SEMA5A: variants seen among roughly 807,000 people sequenced by gnomAD.
SEMA5A encodes semaphorin-5A.
A neutral mutation model predicts 135.5 loss-of-function variants in SEMA5A; 55 were observed. That is an observed-to-expected ratio of 0.41 (90% CI 0.33 to 0.51). The LOEUF is 0.51. Among genes scored for constraint, SEMA5A ranks in the 20% least tolerant of loss-of-function variants. The pLI is 0.37. For missense variants in SEMA5A, 1,290 were observed against 1,419.9 expected, an observed-to-expected ratio of 0.91 and a Z score of 1.47; for synonymous variants, 580 against 546.5, an observed-to-expected ratio of 1.06 and a Z score of -0.85.
chr5:9,373,463 A>G (rs972879137), intron 3 of SEMA5A, among the ~76,000 whole-genome samples: 1 of 152,188 alleles, frequency 6.6e-6, no homozygotes, highest in Non-Finnish European at 1.5e-5. Flanking sequence ...TGGAGCAGTC[A>G]TCTCAATTCC....
intron 16 of SEMA5A, among the ~76,000 whole-genome samples, chr5:9,070,319 C>T (rs774317235): frequency 6.6e-6 from 1 of 151,994 alleles, no homozygotes; most frequent in Non-Finnish European, 1.5e-5. Flanking sequence ...TGCAGTGAGC[C>T]GACATTGTGC....
chr5:9,180,266 C>T (rs1026120640), intron 11 of SEMA5A, among the ~76,000 whole-genome samples: 3 of 151,810 alleles, frequency 2.0e-5, no homozygotes, highest in Non-Finnish European at 4.4e-5. Context: ...TTCAACATAC[C>T]TTCTTTGGGA....
chr5:9,457,428 T>C (rs763425217), intron 1 of SEMA5A, among the ~76,000 whole-genome samples: 1 of 152,212 alleles, frequency 6.6e-6, no homozygotes, highest in African/African-American at 2.4e-5. Context: ...CAAGTAAATG[T>C]TGAGGTTCCA....
chr5:9,113,933 T>C (rs1740377756), intron 15 of SEMA5A, among the ~76,000 whole-genome samples: 1 of 152,314 alleles, frequency 6.6e-6, no homozygotes, highest in Admixed American at 6.5e-5. Flanking sequence ...AATGCAGCAA[T>C]TTCACTCCTA....
At chr5:9,479,842 G>A (rs572411647) in intron 1 of SEMA5A, among the ~76,000 whole-genome samples, 35 of 152,330 alleles carry the variant, frequency 2.3e-4, no homozygotes, top group African/African-American at 7.9e-4. Context: ...GTGATGATAA[G>A]AGAAGGCTAC....
At chr5:9,485,976 G>T (rs1000368419) in intron 1 of SEMA5A, among the ~76,000 whole-genome samples, 3 of 152,018 alleles carry the variant, frequency 2.0e-5, no homozygotes, top group Non-Finnish European at 2.9e-5. Context: ...TAAAAAATAG[G>T]ATTATTTGTA....
intron 15 of SEMA5A, among the ~76,000 whole-genome samples, chr5:9,116,528 G>A (rs1740523552): frequency 6.6e-6 from 1 of 152,142 alleles, no homozygotes; most frequent in African/African-American, 2.4e-5. Flanking sequence ...AAATACTTCT[G>A]AGATTTTTGT....
rs71582415 is a variant in SEMA5A at position 9,384,647 on chromosome 5, G to GATAGAT, written c.-77-4630_-77-4625dup. On this transcript the variant is annotated intron_variant, in intron 2 of 22. Transcript: ENST00000382496. ...AGATAGATAGATAGATAGATAGATAGATAGATAGATAGATATAGATAGATA... is the reference window on the plus strand; with the variant it reads ...AGATAGATAGATAGATAGATAGATAGATAGATATAGATAGATAGATATAGATAGATA... 3.0e-4 allele frequency among the ~76,000 whole-genome samples: 21 copies of GATAGAT among 69,458 alleles called. 2 individuals carry two copies. Among genetic ancestry groups the GATAGAT allele is most frequent in the Non-Finnish European group, 5.6e-4 (19 of 34,144 alleles). The allele number at this position is 69,458 out of a possible 152,430, so 45.6% of individuals were successfully genotyped here.
chr5:9,080,107 T>C (rs1579354526), intron 16 of SEMA5A, among the ~76,000 whole-genome samples: 1 of 152,322 alleles, frequency 6.6e-6, no homozygotes, highest in African/African-American at 2.4e-5. Context: ...TGTATGTTTA[T>C]TGCAGCACTG....
chr5:9,424,998 T>C (rs933687569), intron 2 of SEMA5A, among the ~76,000 whole-genome samples: 2 of 152,138 alleles, frequency 1.3e-5, no homozygotes, highest in African/African-American at 4.8e-5. Flanking sequence ...ATAACTCATA[T>C]CCCACCACTG....
intron 1 of SEMA5A, among the ~76,000 whole-genome samples, chr5:9,497,996 C>A (rs1735388304): frequency 6.6e-6 from 1 of 152,156 alleles, no homozygotes; most frequent in South Asian, 2.1e-4. Context: ...CCAAGTTAAC[C>A]CTAACAGTCT....
chr5:9,517,182 T>C (rs368841522), intron 1 of SEMA5A: 1 of 152,216 alleles, frequency 6.6e-6, no homozygotes, highest in African/African-American at 2.4e-5. Context: ...TGGCCACTAC[T>C]GAACTACCAA....
intron 5 of SEMA5A, among the ~76,000 whole-genome samples, chr5:9,242,537 T>C (rs1748257115): frequency 1.3e-5 from 2 of 152,190 alleles, no homozygotes; most frequent in Non-Finnish European, 2.9e-5. Context: ...ACATCTTATG[T>C]TCTCACTGGT....
In SEMA5A at chr5:9,064,368, CG is replaced by C. The variant is rs1201922780; in HGVS notation, c.2300-1264del. Among the ~76,000 whole-genome samples the C allele has an allele frequency of 2.6e-5, 4 of 152,072 alleles. No homozygotes were observed. The East Asian group carries it at 5.8e-4, about 22-fold the overall frequency. ...CGTATGTTTATGGAGGCACTATTCA[CG>C]ATGGCAAAGACTTGAAACCTGGCCA... On this transcript the variant is annotated intron_variant, in intron 17 of 22. Coordinates refer to ENST00000382496, the MANE Select transcript of SEMA5A (RefSeq NM_003966.3).
At chr5:9,314,559 T>C (rs1339490560) in intron 5 of SEMA5A, among the ~76,000 whole-genome samples, 1 of 152,128 alleles carries the variant, frequency 6.6e-6, no homozygotes, top group East Asian at 1.9e-4. Context: ...ACATGGTGCT[T>C]CTATCAGACG....
At chr5:9,344,329 G>C (rs1187225267) in intron 3 of SEMA5A, among the ~76,000 whole-genome samples, 1 of 152,134 alleles carries the variant, frequency 6.6e-6, no homozygotes, top group Non-Finnish European at 1.5e-5. Flanking sequence ...TCCAGAATAA[G>C]GCTAAGGCAA....
chr5:9,380,454 A>C lies in SEMA5A; in HGVS notation c.-77-431T>G, dbSNP rs1349901860. The stretch of plus-strand genomic sequence containing the variant: ...TGCCCATCCCTTTTTAACATTTAAA[A>C]TATTTAGTTTTAAGAAGGCCACAGC... On this transcript the variant is annotated intron_variant, in intron 2 of 22. Transcript: ENST00000382496. 2.0e-5 allele frequency among the ~76,000 whole-genome samples: 3 copies of C among 152,194 alleles called. No homozygotes were observed. The East Asian group carries it at 5.8e-4, about 29-fold the overall frequency.
chr5:9,524,219 T>C (rs377791), intron 1 of SEMA5A, among the ~76,000 whole-genome samples: 51,511 of 152,116 alleles, frequency 0.34, 8,916 homozygotes, highest in East Asian at 0.41. Flanking sequence ...GACTGTAAGT[T>C]TCCTGAGGCC....
intron 13 of SEMA5A, among the ~76,000 whole-genome samples, chr5:9,125,888 C>T (rs1261420603): frequency 1.3e-5 from 2 of 152,156 alleles, no homozygotes; most frequent in Admixed American, 6.5e-5. Context: ...TCCCTCTTGT[C>T]TCCAGCCAAA....
Sources: gnomAD v4.1 joint callset for allele counts (sites outside exome capture counted in the v4.1 genomes callset) on GRCh38, gnomAD v4.1.1 for gene constraint, MANE v1.5 for transcripts, NCBI Gene and HGNC (gene_info 2026-07-23, HGNC 2026-07-21) for gene names.